PCGF5: variants seen among roughly 807,000 people sequenced by gnomAD.
The protein encoded by PCGF5 is polycomb group ring finger 5, also known as polycomb group RING finger protein 5.
PCGF5 carries 9 observed loss-of-function variants against 44.3 expected under a neutral mutation model. That is an observed-to-expected ratio of 0.20 (90% confidence interval 0.12 to 0.35). The LOEUF (loss-of-function observed/expected upper bound fraction) is 0.35. Among genes scored for constraint, PCGF5 ranks in the 10% least tolerant of loss-of-function variants. PCGF5 has a pLI of 1.00. For synonymous variants in PCGF5, 95 were observed against 102.5 expected (o/e 0.93, Z 0.44); for missense variants, 146 against 305.3 (o/e 0.48, Z 3.89).
chr10:91,278,188 AATTCTTAAAATCTTTCATATATAAACTGT>A, intron 9 of PCGF5, 52 bp from the exon 10 acceptor site: 1 of 1,214,314 alleles, frequency 8.2e-7, no homozygotes, highest in Non-Finnish European at 1.2e-6. Flanking sequence ...TATAACTCCG[AATTCTTAAAATCTTTCATATATAAACTGT>A]ATTGTTTTTA....
At chr10:91,214,329 G>A (rs1844504131) in intron 1 of PCGF5, among the ~76,000 whole-genome samples, 2 of 151,098 alleles carry the variant, frequency 1.3e-5, no homozygotes, top group Admixed American at 1.3e-4. Flanking sequence ...AAAAAGGAGA[G>A]ACAGACAGAC....
At chr10:91,186,910 A>G (rs1226674962) in intron 1 of PCGF5, among the ~76,000 whole-genome samples, 2 of 152,220 alleles carry the variant, frequency 1.3e-5, no homozygotes, top group Non-Finnish European at 2.9e-5. Context: ...AGTGTCATTT[A>G]GAACTTGCCC....
intron 2 of PCGF5, among the ~76,000 whole-genome samples, chr10:91,231,527 A>G (rs1386200220): frequency 6.6e-6 from 1 of 152,204 alleles, no homozygotes; most frequent in Non-Finnish European, 1.5e-5. Context: ...ACTCTAAAGC[A>G]GGAGTGTGAC....
intron 7 of PCGF5, among the ~76,000 whole-genome samples, chr10:91,262,242 A>G (rs1394799136): frequency 6.6e-6 from 1 of 152,128 alleles, no homozygotes; most frequent in African/African-American, 2.4e-5. Flanking sequence ...CCTGGCCAAC[A>G]TGGTAAAACC....
At chr10:91,163,170 G>T (rs184966063) in intron 1 of PCGF5, 4 of 149,994 alleles carry the variant, frequency 2.7e-5, no homozygotes, top group South Asian at 2.1e-4. Context: ...GCGGGGCCGG[G>T]GGGGAGGCCC....
chr10:91,197,951 TATTG>T (rs1326778930), intron 1 of PCGF5, among the ~76,000 whole-genome samples: 1 of 152,160 alleles, frequency 6.6e-6, no homozygotes, highest in Non-Finnish European at 1.5e-5. Context: ...ATTCAATAAA[TATTG>T]ATTATCTACT....
chr10:91,251,211 T>G, intron 5 of PCGF5, 81 bp from the exon 6 acceptor site: 1 of 1,151,882 alleles, frequency 8.7e-7, no homozygotes, highest in Admixed American at 2.7e-5. Flanking sequence ...TTGATTTTTG[T>G]TTTGATTATC....
chr10:91,194,561 T>G (rs1844092222), intron 1 of PCGF5, among the ~76,000 whole-genome samples: 1 of 152,210 alleles, frequency 6.6e-6, no homozygotes, highest in Non-Finnish European at 1.5e-5. Context: ...AGCTATAAGA[T>G]AATACATTTG....
At chr10:91,197,117 C>T (rs1324011719) in intron 1 of PCGF5, among the ~76,000 whole-genome samples, 4 of 152,210 alleles carry the variant, frequency 2.6e-5, no homozygotes, top group Non-Finnish European at 5.9e-5. Flanking sequence ...TACTCCAAAA[C>T]TTAACGATTT....
rs145900081 is a variant in PCGF5 at position 91,176,109 on chromosome 10, G to A, written c.-184+13028G>A. The stretch of plus-strand genomic sequence containing the variant: ...GAGCTCTTGTAGGGCAGGCCTGGTG[G>A]TGAAAAAATCTCTCGGCATTTGCTT... On this transcript the variant is annotated intron_variant, in intron 1 of 9. Coordinates refer to the PCGF5 transcript ENST00000614189. Among the ~76,000 whole-genome samples, 98 of 152,230 alleles carry A rather than the reference G, an allele frequency of 6.4e-4. No homozygotes were observed. The East Asian group carries it at 0.017, about 26-fold the overall frequency.
At chr10:91,221,466 G>C (rs897185879) in intron 1 of PCGF5, among the ~76,000 whole-genome samples, 15 of 152,196 alleles carry the variant, frequency 9.9e-5, no homozygotes, top group Admixed American at 9.8e-4. Flanking sequence ...CTGATTCCCT[G>C]TCTTTTAATT....
At chr10:91,206,064 G>T (rs10785997) in intron 1 of PCGF5, among the ~76,000 whole-genome samples, 116,505 of 152,136 alleles carry the variant, frequency 0.77, 47,593 homozygotes, top group East Asian at 0.95. Flanking sequence ...ACCAACATTT[G>T]GGCAAATTTT....
intron 3 of PCGF5, among the ~76,000 whole-genome samples, chr10:91,241,654 T>C (rs1313721850): frequency 6.6e-6 from 1 of 151,880 alleles, no homozygotes; most frequent in African/African-American, 2.4e-5. Flanking sequence ...GTTAGCTTTT[T>C]AGTACTTTTG....
Position 91,261,437 on chromosome 10 carries a change from A to G in PCGF5, c.573+13A>G. On this transcript the variant is annotated intron_variant, in intron 7 of 9. Coordinates refer to ENST00000336126, the MANE Select transcript of PCGF5 (RefSeq NM_032373.5). ...AAGTTCTTATGAGGTAAGTTAAATA[A>G]TATCTAAGCTTGATCATTTTGATAA... is the stretch of plus-strand genomic sequence containing the variant. 6 of 1,436,568 alleles carry G rather than the reference A, an allele frequency of 4.2e-6. No individual in the cohort carries two copies. The highest frequency in any genetic ancestry group is 5.6e-6 in the Non-Finnish European group (6 of 1,077,160). The allele number at this position is 1,436,568 out of a possible 1,614,324, so 89.0% of individuals were successfully genotyped here.
chr10:91,262,621 C>G (rs1845950480), intron 7 of PCGF5, among the ~76,000 whole-genome samples: 1 of 152,150 alleles, frequency 6.6e-6, no homozygotes, highest in Non-Finnish European at 1.5e-5. Flanking sequence ...GCCGCTGATC[C>G]TGAGCTTATT....
chr10:91,215,241 T>C (rs1310695587), upstream of PCGF5, among the ~76,000 whole-genome samples: 1 of 152,246 alleles, frequency 6.6e-6, no homozygotes, highest in East Asian at 1.9e-4. Context: ...TCAGTTTTCT[T>C]AATTTAATAA....
At chr10:91,161,627 AG>A (rs1348982210), upstream of PCGF5, among the ~76,000 whole-genome samples, 1 of 152,356 alleles carries the variant, frequency 6.6e-6, no homozygotes, top group East Asian at 1.9e-4. Flanking sequence ...GGGTTACTTA[AG>A]TGCCCATTAT....
intron 1 of PCGF5, among the ~76,000 whole-genome samples, chr10:91,177,203 A>G (rs7917178): frequency 0.92 from 136,324 of 147,786 alleles, 62,907 homozygotes; most frequent in African/African-American, 0.97. Flanking sequence ...TATCAGCAGC[A>G]GAGGCTGCAG....
At chr10:91,271,525 A>G (rs7912950) in intron 8 of PCGF5, 113 bp from the exon 9 acceptor site, 53,315 of 745,316 alleles carry the variant, frequency 0.072, 3,833 homozygotes, top group African/African-American at 0.3. Context: ...GTGTTTATTT[A>G]CCATTAATCA....
Sources: allele counts gnomAD v4.1 joint callset (sites outside exome capture counted in the v4.1 genomes callset), GRCh38; gene constraint gnomAD v4.1.1; transcripts MANE v1.5; gene names NCBI Gene and HGNC (gene_info 2026-07-23, HGNC 2026-07-21).